SIPA1L1: variants seen among roughly 807,000 people sequenced by gnomAD.
SIPA1L1 encodes signal-induced proliferation-associated 1-like protein 1.
A neutral mutation model predicts 162.7 loss-of-function variants in SIPA1L1; 26 were observed. That is an observed-to-expected ratio of 0.16 (90% CI 0.12 to 0.22). SIPA1L1 has a LOEUF of 0.22. Ranked by LOEUF, SIPA1L1 falls within the 10% of genes least tolerant of loss-of-function variation. The pLI, the probability that SIPA1L1 is intolerant of heterozygous loss-of-function variation, is 1.00. For synonymous variants in SIPA1L1, 829 were observed against 837.4 expected (o/e 0.99, Z 0.17); for missense variants, 1,874 against 2,241.0 (o/e 0.84, Z 3.31).
chr14:71,451,573 T>C (rs1303627745), intron 2 of SIPA1L1, among the ~76,000 whole-genome samples: 1 of 146,420 alleles, frequency 6.8e-6, no homozygotes, highest in Non-Finnish European at 1.5e-5. Context: ...AGGTGGAGGC[T>C]GCAGTGAGCT....
chr14:71,661,942 T>C (rs1383039689), intron 10 of SIPA1L1, among the ~76,000 whole-genome samples: 2 of 152,248 alleles, frequency 1.3e-5, no homozygotes, highest in South Asian at 2.1e-4. Context: ...TTTAGCATTA[T>C]TGAAATTGTT....
chr14:71,472,767 A>C (rs1255956518), intron 2 of SIPA1L1, among the ~76,000 whole-genome samples: 2 of 148,524 alleles, frequency 1.3e-5, no homozygotes, highest in African/African-American at 5.0e-5. Context: ...TTTGTAAAAA[A>C]TAATCATCTA....
At chr14:71,531,791 G>A (rs1046138005) in intron 4 of SIPA1L1, among the ~76,000 whole-genome samples, 1 of 152,024 alleles carries the variant, frequency 6.6e-6, no homozygotes, top group South Asian at 2.1e-4. Context: ...ACAAATGTGA[G>A]CCACCATGCC....
intron 7 of SIPA1L1, among the ~76,000 whole-genome samples, chr14:71,631,845 A>G (rs948611617): frequency 1.3e-5 from 2 of 152,196 alleles, no homozygotes; most frequent in African/African-American, 2.4e-5. Context: ...GAATTTTTCC[A>G]GTTTCTTTGT....
intron 7 of SIPA1L1, among the ~76,000 whole-genome samples, chr14:71,638,494 T>A (rs2148874011): frequency 6.6e-6 from 1 of 152,344 alleles, no homozygotes; most frequent in Admixed American, 6.5e-5. Context: ...TGAACTTATT[T>A]ATGATAAAAA....
At chr14:71,374,742 C>G (rs1007116253) in intron 2 of SIPA1L1, among the ~76,000 whole-genome samples, 2 of 142,252 alleles carry the variant, frequency 1.4e-5, no homozygotes, top group African/African-American at 2.6e-5. Context: ...TGCCATATAT[C>G]TAAATAATAT....
At chr14:71,707,664 C>T (rs1247991826) in intron 16 of SIPA1L1, among the ~76,000 whole-genome samples, 3 of 152,120 alleles carry the variant, frequency 2.0e-5, no homozygotes, top group Admixed American at 2.0e-4. Context: ...AATAATATTC[C>T]ATTTTACGGA....
At chr14:71,456,371 A>G (rs553489325) in intron 2 of SIPA1L1, among the ~76,000 whole-genome samples, 69 of 152,354 alleles carry the variant, frequency 4.5e-4, no homozygotes, top group African/African-American at 1.6e-3. Context: ...CAAGTATTCA[A>G]CATCTTATAT....
chr14:71,400,855 C>G (rs2041617504), intron 2 of SIPA1L1: 1 of 152,130 alleles, frequency 6.6e-6, no homozygotes, highest in Non-Finnish European at 1.5e-5. Context: ...TTCTGTGCTT[C>G]TGTTGGAGTG....
At chr14:71,401,616 T>G (rs570527903) in intron 2 of SIPA1L1, among the ~76,000 whole-genome samples, 1 of 152,244 alleles carries the variant, frequency 6.6e-6, no homozygotes, top group African/African-American at 2.4e-5. Flanking sequence ...TTCTTTATAT[T>G]ACTTTCCTCA....
At chr14:71,362,744 C>T (rs1451019913) in intron 2 of SIPA1L1, among the ~76,000 whole-genome samples, 1 of 151,998 alleles carries the variant, frequency 6.6e-6, no homozygotes, top group African/African-American at 2.4e-5. Flanking sequence ...GTAGTGTTGA[C>T]TGTAGTCTAA....
At chr14:71,415,488 T>A (rs146682171) in intron 2 of SIPA1L1, among the ~76,000 whole-genome samples, 1 of 152,320 alleles carries the variant, frequency 6.6e-6, no homozygotes, top group African/African-American at 2.4e-5. Context: ...AATTGCTTAA[T>A]GGTGAAGCAA....
chr14:71,393,626 A>G (rs1201516278), intron 2 of SIPA1L1, among the ~76,000 whole-genome samples: 1 of 152,108 alleles, frequency 6.6e-6, no homozygotes, highest in Non-Finnish European at 1.5e-5. Flanking sequence ...TGGGCAACAT[A>G]GCAAAACCTA....
intron 2 of SIPA1L1, among the ~76,000 whole-genome samples, chr14:71,455,623 G>A (rs1385843422): frequency 6.6e-6 from 1 of 152,088 alleles, no homozygotes; most frequent in Non-Finnish European, 1.5e-5. Context: ...TAATTTATAT[G>A]TGGGACTTTG....
intron 2 of SIPA1L1, among the ~76,000 whole-genome samples, chr14:71,331,128 T>G (rs879612431): frequency 6.6e-6 from 1 of 152,238 alleles, no homozygotes; most frequent in Non-Finnish European, 1.5e-5. Flanking sequence ...GGTATCTTAT[T>G]TTTTCCAACA....
intron 5 of SIPA1L1, among the ~76,000 whole-genome samples, chr14:71,601,141 G>A (rs2036701944): frequency 6.6e-6 from 1 of 152,048 alleles, no homozygotes; most frequent in Non-Finnish European, 1.5e-5. Flanking sequence ...CTGTATTGGA[G>A]TGGTGAAAGT....
chr14:71,667,140 C>G (rs1277188370), intron 10 of SIPA1L1, among the ~76,000 whole-genome samples: 1 of 152,158 alleles, frequency 6.6e-6, no homozygotes, highest in Non-Finnish European at 1.5e-5. Context: ...TCAGTCTCAT[C>G]TACCAGTCTG....
At chr14:71,533,932 G>A (rs961974314) in intron 4 of SIPA1L1, among the ~76,000 whole-genome samples, 1 of 151,988 alleles carries the variant, frequency 6.6e-6, no homozygotes, top group Non-Finnish European at 1.5e-5. Context: ...TTTACAAAGA[G>A]TGCCAGTTTG....
chr14:71,544,213 ATG>A (rs1031148576), intron 4 of SIPA1L1, among the ~76,000 whole-genome samples: 19 of 151,360 alleles, frequency 1.3e-4, no homozygotes, highest in Middle Eastern at 3.5e-3. Flanking sequence ...ATGCACATGC[ATG>A]TGTATATACA....
Sources: allele counts gnomAD v4.1 joint callset (sites outside exome capture counted in the v4.1 genomes callset), GRCh38; gene constraint gnomAD v4.1.1; transcripts MANE v1.5; gene names NCBI Gene and HGNC (gene_info 2026-07-23, HGNC 2026-07-21).